The following ASXL1 variants were observed in gnomAD, a reference collection of about 807,000 sequenced individuals.
ASXL1 encodes the protein polycomb group protein ASXL1.
A neutral mutation model predicts 89.1 loss-of-function variants in ASXL1; 65 were observed. The observed-to-expected ratio is 0.73, with a 90% CI of 0.60 to 0.90. The LOEUF (loss-of-function observed/expected upper bound fraction) is 0.90. Ranked by LOEUF, ASXL1 falls within the 40% of genes least tolerant of loss-of-function variation. The probability of loss-of-function intolerance (pLI) is 0.00; values close to 1 mark genes in which losing one functional copy is unlikely to be tolerated. For missense variants in ASXL1, 1,786 were observed against 1,942.9 expected (o/e 0.92, Z 1.52); for synonymous variants, 739 against 746.9 (o/e 0.99, Z 0.17).
At chr20:32,398,029 C>T (rs1453746213) in intron 4 of ASXL1, among the ~76,000 whole-genome samples, 1 of 152,060 alleles carries the variant, frequency 6.6e-6, no homozygotes, top group Non-Finnish European at 1.5e-5. Flanking sequence ...TAGATCGGTT[C>T]GTTTGTAGCC....
Position 32,411,055 on chromosome 20 carries a change from AT to A in ASXL1, c.253-17072del, listed in dbSNP as rs1212866837. Among the ~76,000 whole-genome samples, 19 of 19,470 alleles carry A rather than the reference AT, an allele frequency of 9.8e-4. 1 individual carries two copies. The highest frequency in any genetic ancestry group is 1.3e-3 in the African/African-American group (14 of 10,802). The allele number at this position is 19,470 out of a possible 152,430, so 12.8% of individuals were successfully genotyped here. On this transcript the variant is annotated intron_variant, in intron 4 of 12. Transcript: ENST00000375687. ...TCAAAAAAAAAAAAAAATAAAAAAA[AT>A]AAAAAAAAATTAGTACTCTGAGAGT...
intron 4 of ASXL1, among the ~76,000 whole-genome samples, chr20:32,385,389 ATTAAT>A (rs1163191643): frequency 1.3e-5 from 2 of 152,174 alleles, no homozygotes; most frequent in African/African-American, 4.8e-5. Context: ...GAATAGCTTA[ATTAAT>A]TTGTACATCA....
chr20:32,428,807 C>T (rs2011424893), intron 6 of ASXL1: 11 of 292,422 alleles, frequency 3.8e-5, no homozygotes, highest in South Asian at 1.6e-4. Flanking sequence ...ATTACAGGCA[C>T]GTACCACCGT....
chr20:32,433,028 G>A (rs2011573443), intron 11 of ASXL1, 43 bp downstream of exon 11: 1 of 1,609,450 alleles, frequency 6.2e-7, no homozygotes, highest in Non-Finnish European at 8.5e-7. Context: ...GGGTTTTGAG[G>A]GGATAGAGGT....
chr20:32,412,594 ATTT>A (rs377498376), intron 4 of ASXL1, among the ~76,000 whole-genome samples: 1 of 137,558 alleles, frequency 7.3e-6, no homozygotes, highest in Non-Finnish European at 1.6e-5. Flanking sequence ...AAAGAAATAA[ATTT>A]TTTTTTTTTT....
At chr20:32,382,846 C>A (rs1485528086) in intron 4 of ASXL1, among the ~76,000 whole-genome samples, 2 of 152,074 alleles carry the variant, frequency 1.3e-5, no homozygotes, top group African/African-American at 4.8e-5. Context: ...TAGATAATAA[C>A]TTATGTAGTC....
chr20:32,372,829 G>A (rs1001134341), intron 4 of ASXL1, among the ~76,000 whole-genome samples: 12 of 151,248 alleles, frequency 7.9e-5, no homozygotes, highest in South Asian at 4.2e-4. Context: ...TCTTGACCTC[G>A]TGATCCGTCT....
intron 4 of ASXL1, among the ~76,000 whole-genome samples, chr20:32,417,873 A>G (rs6058688): frequency 2.0e-5 from 3 of 152,030 alleles, no homozygotes; most frequent in South Asian, 4.2e-4. Flanking sequence ...CAAGAACCCC[A>G]TCTCTACAAA....
intron 1 of ASXL1, among the ~76,000 whole-genome samples, chr20:32,361,925 G>T (rs1227944711): frequency 6.6e-6 from 1 of 151,760 alleles, no homozygotes; most frequent in East Asian, 2.0e-4. Flanking sequence ...AATTAGCCAG[G>T]CATGGTGATG....
intron 4 of ASXL1, among the ~76,000 whole-genome samples, chr20:32,402,490 T>C (rs1381119445): frequency 6.6e-6 from 1 of 152,260 alleles, no homozygotes; most frequent in South Asian, 2.1e-4. Flanking sequence ...GTAGAATTGC[T>C]GGGTCGTATG....
chr20:32,387,357 C>T (rs2048597317), intron 4 of ASXL1, among the ~76,000 whole-genome samples: 1 of 152,002 alleles, frequency 6.6e-6, no homozygotes, highest in Middle Eastern at 3.2e-3. Context: ...TTTGTCATGC[C>T]CTGTTTCTTT....
At chr20:32,416,222 T>C (rs1358316921) in intron 4 of ASXL1, among the ~76,000 whole-genome samples, 1 of 152,216 alleles carries the variant, frequency 6.6e-6, no homozygotes, top group Non-Finnish European at 1.5e-5. Flanking sequence ...TAAATTATTG[T>C]TTACTATAAT....
Position 32,435,847 on chromosome 20 carries a change from G to C in ASXL1, c.3135G>C (p.Lys1045Asn). ...GGAACCAATCTGCCCCACTGTCCAA[G>C]GTGAATGGTGACATGCGTCTGGTTA... ...PNWNQSAPLS[K>N]VNGDMRLVTR... Residue 1045 changes from lysine to asparagine, a missense_variant, in exon 13 of 13, where the codon AAG (lysine) becomes AAC (asparagine). Physicochemically the swap from Lys to Asn is moderately conservative, Grantham distance 94. This residue lies in a region of ASXL1 where 1,418 missense variants were observed against 1,427.8 expected (regional missense o/e 0.99). Transcript: ENST00000375687. 6.2e-7 allele frequency: 1 copy of C among 1,614,202 alleles called. No individual in the cohort carries two copies. The highest frequency in any genetic ancestry group is 8.5e-7 in the Non-Finnish European group (1 of 1,180,040).
At chr20:32,358,971 A>C in intron 1 of ASXL1, 139 bp downstream of exon 1, 1 of 953,764 alleles carries the variant, frequency 1.0e-6, no homozygotes, top group Non-Finnish European at 1.5e-6. Context: ...AGAACGGGAC[A>C]GCCCCGCAAG....
chr20:32,363,262 T>TA (rs11482132), intron 1 of ASXL1, among the ~76,000 whole-genome samples: 54,232 of 150,532 alleles, frequency 0.36, 10,540 homozygotes, highest in East Asian at 0.74. Flanking sequence ...TCATGCTTCT[T>TA]AAAAAAAAAA....
At chr20:32,360,613 T>A (rs1211717379) in intron 1 of ASXL1, 1 of 153,424 alleles carries the variant, frequency 6.5e-6, no homozygotes, top group African/African-American at 2.4e-5. Flanking sequence ...TTAAGTCTTG[T>A]GTTATTTATG....
chr20:32,372,043 G>T, intron 4 of ASXL1: 1 of 1,235,666 alleles, frequency 8.1e-7, no homozygotes. Context: ...TTTTCTATGA[G>T]TACCTTAAGG....
At chr20:32,426,268 AT>A (rs1197338668) in intron 4 of ASXL1, among the ~76,000 whole-genome samples, 2 of 152,032 alleles carry the variant, frequency 1.3e-5, no homozygotes, top group Non-Finnish European at 2.9e-5. Flanking sequence ...TTTTTATGCC[AT>A]TTTTACTTTC....
chr20:32,388,868 C>T (rs1413600964), intron 4 of ASXL1, among the ~76,000 whole-genome samples: 1 of 151,888 alleles, frequency 6.6e-6, no homozygotes, highest in East Asian at 1.9e-4. Flanking sequence ...TTTTTACTTT[C>T]CTTGTTATGA....
Sources: gnomAD v4.1 joint callset for allele counts (sites outside exome capture counted in the v4.1 genomes callset) on GRCh38, gnomAD v4.1.1 for gene constraint, gnomAD v4.1.1 regional missense constraint, MANE v1.5 for transcripts, NCBI Gene and HGNC (gene_info 2026-07-23, HGNC 2026-07-21) for gene names.